Variants in CNTN6 observed in about 807,000 individuals in gnomAD.
CNTN6 encodes the protein contactin 6.
A neutral mutation model predicts 122.8 loss-of-function variants in CNTN6; 137 were observed. The observed-to-expected ratio is 1.12, with a 90% confidence interval of 0.97 to 1.29. CNTN6 has a LOEUF of 1.29. Ranked by LOEUF, CNTN6 falls within the 50% of genes most tolerant of loss-of-function variation. The pLI is 0.00. For synonymous variants in CNTN6, 570 were observed against 426.0 expected, an observed-to-expected ratio of 1.34 and a Z score of -4.16; for missense variants, 1,634 against 1,223.4, an observed-to-expected ratio of 1.34 and a Z score of -5.01.
chr3:1,216,703 A>G (rs1182129394), intron 2 of CNTN6, among the ~76,000 whole-genome samples: 3 of 152,066 alleles, frequency 2.0e-5, no homozygotes, highest in Non-Finnish European at 2.9e-5. Context: ...TAAAACCTCT[A>G]TCTATCTACA....
chr3:1,245,577 G>A (rs2094571819), intron 4 of CNTN6, among the ~76,000 whole-genome samples: 1 of 150,652 alleles, frequency 6.6e-6, no homozygotes, highest in African/African-American at 2.4e-5. Context: ...TACATATTGG[G>A]TACAGTGTAC....
intron 20 of CNTN6, among the ~76,000 whole-genome samples, chr3:1,399,164 T>C (rs76924212): frequency 0.027 from 4,041 of 152,242 alleles, 63 homozygotes; most frequent in Non-Finnish European, 0.038. Flanking sequence ...ATTTTCTCTG[T>C]ATTGATTATA....
At chr3:1,307,701 C>G (rs565059316) in intron 7 of CNTN6, among the ~76,000 whole-genome samples, 1 of 152,128 alleles carries the variant, frequency 6.6e-6, no homozygotes, top group Non-Finnish European at 1.5e-5. Context: ...TCAGACATTT[C>G]TTGTGTTTGA....
At chr3:1,375,453 A>G (rs898893759) in intron 16 of CNTN6, among the ~76,000 whole-genome samples, 3 of 152,206 alleles carry the variant, frequency 2.0e-5, no homozygotes, top group East Asian at 1.9e-4. Context: ...CTTGTTCTCA[A>G]TATGGTTTTA....
In CNTN6 at chr3:1,268,435, G is replaced by C. The variant is rs7432247; in HGVS notation, c.359-9978G>C. 7.0e-3 allele frequency among the ~76,000 whole-genome samples: 1,061 copies of C among 151,690 alleles called. 9 individuals are homozygous for C. The highest frequency in any genetic ancestry group is 0.024 in the African/African-American group (996 of 41,306). ...ATCCTGGTTAATGTGGTGAAACCCC[G>C]TCTCTACTAAAAATATAAAAAATTA... On this transcript the variant is annotated intron_variant, in intron 4 of 22. Coordinates refer to ENST00000446702, the MANE Select transcript of CNTN6 (RefSeq NM_001289080.2).
At chr3:1,125,813 C>A (rs1415598715) in intron 1 of CNTN6, among the ~76,000 whole-genome samples, 1 of 151,524 alleles carries the variant, frequency 6.6e-6, no homozygotes, top group East Asian at 1.9e-4. Flanking sequence ...ATATGACAAC[C>A]ACAGACATAT....
At chr3:1,245,698 T>TATAA (rs566118680) in intron 4 of CNTN6, among the ~76,000 whole-genome samples, 1 of 151,664 alleles carries the variant, frequency 6.6e-6, no homozygotes, top group South Asian at 2.1e-4. Context: ...AAAAAAGGAA[T>TATAA]ATAAATAAAT....
chr3:1,098,099 G>C (rs938201169), intron 1 of CNTN6, among the ~76,000 whole-genome samples: 175 of 151,856 alleles, frequency 1.2e-3, no homozygotes, highest in African/African-American at 4.0e-3. Context: ...ATTTGCGGGG[G>C]GGGGAGGGAT....
chr3:1,286,645 G>T (rs919934015), intron 5 of CNTN6, among the ~76,000 whole-genome samples: 5 of 152,056 alleles, frequency 3.3e-5, no homozygotes, highest in Non-Finnish European at 7.4e-5. Context: ...TCATTGATGG[G>T]CATTTGTGGT....
At chr3:1,244,969 G>C (rs1186531997) in intron 4 of CNTN6, among the ~76,000 whole-genome samples, 3 of 150,188 alleles carry the variant, frequency 2.0e-5, no homozygotes, top group African/African-American at 7.3e-5. Context: ...CACAATGGTG[G>C]AATGTCATCA....
chr3:1,158,205 T>A (rs1049915098), intron 2 of CNTN6, among the ~76,000 whole-genome samples: 17 of 152,182 alleles, frequency 1.1e-4, no homozygotes, highest in South Asian at 4.1e-4. Context: ...TTATTGCCAG[T>A]CTTTTGGATA....
intron 21 of CNTN6, 65 bp downstream of exon 21, chr3:1,401,610 C>T: frequency 1.8e-6 from 2 of 1,112,832 alleles, no homozygotes; most frequent in Non-Finnish European, 1.3e-6. Flanking sequence ...CATGTGACAC[C>T]CAAATGGAAA....
chr3:1,125,855 G>A lies in CNTN6; in HGVS notation c.-82-22072G>A, dbSNP rs117402113. Reference sequence around the variant, plus strand: ...AGTATCATTTTAGGAGAAAAGATTTGAGACAAAAGCCAACTCCATGTTATG... The same window carrying A: ...AGTATCATTTTAGGAGAAAAGATTTAAGACAAAAGCCAACTCCATGTTATG... On this transcript the variant is annotated intron_variant, in intron 1 of 22. Transcript: ENST00000446702. 9.3e-4 allele frequency among the ~76,000 whole-genome samples: 142 copies of A among 151,894 alleles called. 4 individuals are homozygous for A. In the East Asian group the frequency reaches 0.027, roughly 29 times the overall value.
rs376483168 is a variant in CNTN6, at chr3:1,098,755, T to A, written c.-83+5635T>A. Among the ~76,000 whole-genome samples, 291 of 89,584 alleles carry A rather than the reference T, an allele frequency of 3.2e-3. 5 individuals are homozygous for A. Among genetic ancestry groups the A allele is most frequent in the East Asian group, 0.012 (39 of 3,292 alleles). The allele number at this position is 89,584 out of a possible 152,430, so 58.8% of individuals were successfully genotyped here. ...AGTCTTTGAATTCTTTTGGCAGTAATGCACACACACACACACACACACACA... is the reference window on the plus strand; with the variant it reads ...AGTCTTTGAATTCTTTTGGCAGTAAAGCACACACACACACACACACACACA... On this transcript the variant is annotated intron_variant, in intron 1 of 22. Coordinates refer to ENST00000446702, the MANE Select transcript of CNTN6 (RefSeq NM_001289080.2).
In CNTN6 at chr3:1,227,763, C is replaced by T; in HGVS notation, c.183-55C>T. The T allele has an allele frequency of 1.9e-6, 3 of 1,553,262 alleles. No homozygotes were observed. In the South Asian group the frequency reaches 3.5e-5, roughly 18 times the overall value. ...AATTAGAACTACATGTTTTTTAAGA[C>T]AAAGATTGATTGACTCTGTATATTA... On this transcript the variant is annotated intron_variant, in intron 3 of 22. Coordinates refer to ENST00000446702, the MANE Select transcript of CNTN6 (RefSeq NM_001289080.2).
chr3:1,374,588 C>G (rs1349742555), intron 16 of CNTN6, among the ~76,000 whole-genome samples: 1 of 152,042 alleles, frequency 6.6e-6, no homozygotes, highest in African/African-American at 2.4e-5. Flanking sequence ...AATTGGTTCA[C>G]TGAACAGCAG....
At chr3:1,377,124 G>C in intron 17 of CNTN6, 49 bp downstream of exon 17, 1 of 1,301,892 alleles carries the variant, frequency 7.7e-7, no homozygotes, top group Non-Finnish European at 1.1e-6. Flanking sequence ...GATTTAACTG[G>C]CCAGAAAGAA....
intron 4 of CNTN6, among the ~76,000 whole-genome samples, chr3:1,249,930 C>G (rs952508207): frequency 1.4e-4 from 22 of 151,912 alleles, no homozygotes; most frequent in Non-Finnish European, 2.9e-5. Context: ...TGTGTTGTTT[C>G]TGTTTTGTTT....
intron 4 of CNTN6, among the ~76,000 whole-genome samples, chr3:1,242,615 G>A (rs1332948495): frequency 6.6e-6 from 1 of 152,160 alleles, no homozygotes. Flanking sequence ...GTGATCAGTT[G>A]CCAGGGAAGG....
Sources: gnomAD v4.1 joint callset for allele counts (sites outside exome capture counted in the v4.1 genomes callset) on GRCh38, gnomAD v4.1.1 for gene constraint, MANE v1.5 for transcripts, NCBI Gene and HGNC (gene_info 2026-07-23, HGNC 2026-07-21) for gene names.